HGF: variants seen among roughly 807,000 people sequenced by gnomAD.
HGF encodes hepatocyte growth factor.
HGF carries 39 observed loss-of-function variants against 111.6 expected under a neutral mutation model. The observed-to-expected ratio is 0.35, with a 90% CI of 0.27 to 0.46. The LOEUF (loss-of-function observed/expected upper bound fraction) is 0.46, where lower values mean the gene tolerates loss of function less well. HGF is among the 20% of genes least tolerant of loss of function. HGF has a pLI of 1.00. For synonymous variants in HGF, 285 were observed against 294.8 expected (o/e 0.97, Z 0.34); for missense variants, 735 against 910.5 (o/e 0.81, Z 2.48).
At chr7:81,752,080 G>T in intron 5 of HGF, 40 bp downstream of exon 5, 1 of 1,612,364 alleles carries the variant, frequency 6.2e-7, no homozygotes, top group Non-Finnish European at 8.5e-7. Context: ...CTACACATAG[G>T]GGGAATAGAA....
chr7:81,746,498 A>G (rs1211354758), intron 5 of HGF, among the ~76,000 whole-genome samples: 1 of 152,212 alleles, frequency 6.6e-6, no homozygotes, highest in Non-Finnish European at 1.5e-5. Flanking sequence ...TAAAGAACAC[A>G]AATTTTGATA....
At chr7:81,727,038 G>GTT (rs1181461260) in intron 8 of HGF, among the ~76,000 whole-genome samples, 3 of 92,338 alleles carry the variant, frequency 3.2e-5, no homozygotes, top group Admixed American at 1.4e-4. Context: ...CGAAACTGAG[G>GTT]TTTTTTTTTT....
In HGF at chr7:81,734,103, C is replaced by G. The variant is rs867079907; in HGVS notation, c.866-4324G>C. ...ACACAGAAACATTCCCAAATATCAG[C>G]TGAAGTTGATTGTTTAGACAAAGCA... On this transcript the variant is annotated intron_variant, in intron 7 of 17. Coordinates refer to ENST00000222390, the MANE Select transcript of HGF (RefSeq NM_000601.6). Among the ~76,000 whole-genome samples the G allele has an allele frequency of 2.0e-5, 3 of 152,108 alleles. No individual in the cohort carries two copies. The South Asian group carries it at 6.2e-4, about 32-fold the overall frequency.
At chr7:81,759,876 C>T (rs1788976847) in intron 2 of HGF, among the ~76,000 whole-genome samples, 1 of 152,088 alleles carries the variant, frequency 6.6e-6, no homozygotes, top group Non-Finnish European at 1.5e-5. Context: ...ATTCCTATAG[C>T]TAAGTATTAT....
At chr7:81,725,764 G>A (rs879127263) in intron 9 of HGF, 126 bp downstream of exon 9, 10 of 1,082,774 alleles carry the variant, frequency 9.2e-6, no homozygotes, top group South Asian at 8.8e-5. Context: ...CAAACTTGGT[G>A]ATTTTGTTTG....
intron 13 of HGF, among the ~76,000 whole-genome samples, chr7:81,708,106 A>C (rs958395427): frequency 3.3e-5 from 5 of 152,030 alleles, no homozygotes; most frequent in Admixed American, 2.6e-4. Flanking sequence ...TACATTTCCA[A>C]AGAGTACAGA....
At chr7:81,704,936 G>C (rs1355805121) in intron 17 of HGF, among the ~76,000 whole-genome samples, 2 of 151,720 alleles carry the variant, frequency 1.3e-5, no homozygotes, top group African/African-American at 4.8e-5. Flanking sequence ...CACATACACA[G>C]AGCGAGAGAG....
intron 4 of HGF, chr7:81,756,587 G>T (rs1194343681): frequency 6.2e-6 from 1 of 160,022 alleles, no homozygotes; most frequent in African/African-American, 2.4e-5. Flanking sequence ...GGCGATAGGT[G>T]AGATGGAAAA....
rs1029645052 is a variant in HGF at position 81,699,612 on chromosome 7, TA to T, written c.*2968del. 6.6e-6 allele frequency: 1 copy of T among 151,764 alleles called. No homozygotes were observed. Among genetic ancestry groups the T allele is most frequent in the Non-Finnish European group, 1.5e-5 (1 of 67,688 alleles). The allele number at this position is 151,764 out of a possible 1,614,324, so 9.4% of individuals were successfully genotyped here. The stretch of plus-strand genomic sequence containing the variant: ...TATATTGCAAAACCAGTATTTCTTT[TA>T]AAAAAGTTTAAAAACAACAATGAAA... On this transcript the variant is annotated 3_prime_UTR_variant, in exon 18 of 18. Coordinates refer to ENST00000222390, the MANE Select transcript of HGF (RefSeq NM_000601.6).
rs144086354 is a variant in HGF, at chr7:81,706,370, A to C, written c.1674T>G (p.Asp558Glu). Residue 558 changes from aspartate to glutamate, a missense_variant, in exon 15 of 18, where the codon GAT becomes GAG. Asp to Glu is a conservative substitution (Grantham distance 45). Around this residue, in one of 3 missense-constraint regions of HGF, gnomAD observed 130 missense variants for 129.9 expected, o/e 1.00. Coordinates refer to ENST00000222390, the MANE Select transcript of HGF (RefSeq NM_000601.6). ...LGIHDVHGRGDEKCKQVLNVS... is the reference protein window; with the variant it reads ...LGIHDVHGRGEEKCKQVLNVS... ...CATTGAGAACCTGTTTGCATTTCTC[A>C]TCTCCTCTTCCGTGGACATCATGAA... 1 of 1,612,252 alleles carries C rather than the reference A, an allele frequency of 6.2e-7. No homozygotes were observed. Among genetic ancestry groups the C allele is most frequent in the Non-Finnish European group, 8.5e-7 (1 of 1,178,562 alleles).
chr7:81,712,458 C>T (rs1789597175), intron 11 of HGF, among the ~76,000 whole-genome samples: 1 of 151,970 alleles, frequency 6.6e-6, no homozygotes. Context: ...GTTGATTTTT[C>T]CAGATGCGAG....
rs181561173 is a variant in HGF, at chr7:81,708,264, G to A, written c.1542-900C>T. The stretch of plus-strand genomic sequence containing the variant: ...TGAGTTTTGGAAGAATAACTAAGCA[G>A]CTGTTGTTGCTAAGAACTTGGATTT... On this transcript the variant is annotated intron_variant, in intron 13 of 17. Coordinates refer to ENST00000222390, the MANE Select transcript of HGF (RefSeq NM_000601.6). 6.1e-3 allele frequency among the ~76,000 whole-genome samples: 931 copies of A among 152,070 alleles called. 7 individuals carry two copies. Among genetic ancestry groups the A allele is most frequent in the African/African-American group, 0.021 (882 of 41,490 alleles).
chr7:81,759,349 A>C (rs1788946259), intron 2 of HGF, among the ~76,000 whole-genome samples: 1 of 152,206 alleles, frequency 6.6e-6, no homozygotes, highest in South Asian at 2.1e-4. Context: ...TCTCCTAAAA[A>C]GTGGGATCTG....
chr7:81,757,825 C>A (rs573566434), intron 3 of HGF, among the ~76,000 whole-genome samples: 1 of 151,864 alleles, frequency 6.6e-6, no homozygotes, highest in South Asian at 2.1e-4. Flanking sequence ...ATTGTAATAA[C>A]CTATATATTC....
chr7:81,741,656 C>T (rs939198189), intron 7 of HGF, among the ~76,000 whole-genome samples: 5 of 150,968 alleles, frequency 3.3e-5, no homozygotes, highest in Admixed American at 6.6e-5. Context: ...GTACCTAAAC[C>T]GGCCAGGCCT....
chr7:81,728,514 T>C (rs902216926), intron 8 of HGF, among the ~76,000 whole-genome samples: 14 of 152,228 alleles, frequency 9.2e-5, no homozygotes. Flanking sequence ...TTTTCTACTT[T>C]GATATGTATT....
At chr7:81,755,225 A>G (rs996272518) in intron 4 of HGF, 31 of 152,134 alleles carry the variant, frequency 2.0e-4, no homozygotes, top group African/African-American at 7.2e-4. Context: ...TTAAGCCACT[A>G]GTAAAATATT....
At chr7:81,708,280 A>T (rs950440882) in intron 13 of HGF, among the ~76,000 whole-genome samples, 8 of 152,086 alleles carry the variant, frequency 5.3e-5, no homozygotes, top group Admixed American at 2.0e-4. Flanking sequence ...GTTGCTAAGA[A>T]CTTGGATTTA....
intron 5 of HGF, among the ~76,000 whole-genome samples, chr7:81,750,165 A>G (rs1451494297): frequency 6.6e-6 from 1 of 151,868 alleles, no homozygotes; most frequent in African/African-American, 2.4e-5. Flanking sequence ...TTTATAAGTC[A>G]CTCTTTTTCT....
Sources: allele counts gnomAD v4.1 joint callset (sites outside exome capture counted in the v4.1 genomes callset), GRCh38; gene constraint gnomAD v4.1.1; regional missense constraint gnomAD v4.1.1; transcripts MANE v1.5; gene names NCBI Gene and HGNC (gene_info 2026-07-23, HGNC 2026-07-21).